The following SEMA3A variants were observed in gnomAD, a reference collection of about 807,000 sequenced individuals.
The protein encoded by SEMA3A is semaphorin-3A.
A neutral mutation model predicts 97.9 loss-of-function variants in SEMA3A; 29 were observed. The ratio of observed to expected loss-of-function variants is 0.30; its 90% CI spans 0.22 to 0.40. SEMA3A has a LOEUF of 0.40. Among genes scored for constraint, SEMA3A ranks in the 10% least tolerant of loss-of-function variants. The probability of loss-of-function intolerance (pLI) is 1.00; values close to 1 mark genes in which losing one functional copy is unlikely to be tolerated. For synonymous variants in SEMA3A, 321 were observed against 323.7 expected (o/e 0.99, Z 0.09); for missense variants, 763 against 951.3 (o/e 0.80, Z 2.60).
intron 3 of SEMA3A, among the ~76,000 whole-genome samples, chr7:84,285,609 C>A (rs1228286224): frequency 6.6e-6 from 1 of 151,926 alleles, no homozygotes; most frequent in Non-Finnish European, 1.5e-5. Context: ...TCATTTAATG[C>A]TTTGTTTGTT....
At chr7:84,399,816 T>C (rs1803850085) in intron 1 of SEMA3A, among the ~76,000 whole-genome samples, 1 of 152,062 alleles carries the variant, frequency 6.6e-6, no homozygotes, top group South Asian at 2.1e-4. Flanking sequence ...GCTACAGTAA[T>C]GTGCTGGTCT....
At chr7:84,098,883 G>C (rs1794858926) in intron 4 of SEMA3A, among the ~76,000 whole-genome samples, 1 of 151,916 alleles carries the variant, frequency 6.6e-6, no homozygotes, top group South Asian at 2.1e-4. Context: ...TTGAGAAACA[G>C]AGATAATGCT....
In SEMA3A at chr7:84,151,495, G is replaced by A. The variant is rs1796670231; in HGVS notation, c.113-16544C>T. Among the ~76,000 whole-genome samples, 4 of 151,844 alleles carry A rather than the reference G, an allele frequency of 2.6e-5. No individual in the cohort carries two copies. The South Asian group carries it at 6.2e-4, about 24-fold the overall frequency. ...AACTGGAAGAAAGGGTATCAGCGAT[G>A]GAAGATGAAATGAATGAAATGAAGC... On this transcript the variant is annotated intron_variant, in intron 1 of 16. Transcript: ENST00000265362.
intron 1 of SEMA3A, among the ~76,000 whole-genome samples, chr7:84,189,022 T>C (rs1046460672): frequency 3.3e-5 from 5 of 151,856 alleles, no homozygotes; most frequent in Admixed American, 1.3e-4. Flanking sequence ...CACAAATTGC[T>C]AGTGCCACCT....
intron 3 of SEMA3A, among the ~76,000 whole-genome samples, chr7:84,242,892 T>C (rs1375542529): frequency 6.6e-6 from 1 of 152,164 alleles, no homozygotes; most frequent in African/African-American, 2.4e-5. Flanking sequence ...ATTGAGATAA[T>C]TGTGTGGTTT....
intron 5 of SEMA3A, among the ~76,000 whole-genome samples, chr7:84,049,785 A>G (rs1163488921): frequency 3.3e-5 from 5 of 151,038 alleles, no homozygotes; most frequent in African/African-American, 1.2e-4. Context: ...ACATATGTAT[A>G]CATGTGCCAT....
chr7:84,252,449 G>GCA (rs1799630266), intron 3 of SEMA3A, among the ~76,000 whole-genome samples: 1 of 152,328 alleles, frequency 6.6e-6, no homozygotes, highest in African/African-American at 2.4e-5. Flanking sequence ...GTCTGCTATA[G>GCA]CACACACAGC....
intron 1 of SEMA3A, among the ~76,000 whole-genome samples, chr7:84,426,347 AAT>A (rs1162556805): frequency 1.3e-5 from 2 of 152,002 alleles, no homozygotes; most frequent in Non-Finnish European, 2.9e-5. Context: ...AAGAAATAAA[AAT>A]ATATCTGTAA....
intron 5 of SEMA3A, among the ~76,000 whole-genome samples, chr7:84,048,709 A>G (rs1792463725): frequency 6.6e-6 from 1 of 152,072 alleles, no homozygotes; most frequent in Non-Finnish European, 1.5e-5. Context: ...ATGAAAACTG[A>G]AAAATTTAAT....
In SEMA3A at chr7:84,129,523, G is replaced by C. The variant is rs146702574; in HGVS notation, c.271-338C>G. On this transcript the variant is annotated intron_variant, in intron 2 of 16. Coordinates refer to ENST00000265362, the MANE Select transcript of SEMA3A (RefSeq NM_006080.3). ...AGAGAACGTGAGAATTTAGTGAAGA[G>C]AAGTAGAAACTGGCATAGAATATGG... 1.1e-4 allele frequency among the ~76,000 whole-genome samples: 16 copies of C among 152,270 alleles called. No homozygotes were observed. The East Asian group carries it at 3.1e-3, about 29-fold the overall frequency.
chr7:84,069,002 T>A (rs1167157185), intron 4 of SEMA3A, among the ~76,000 whole-genome samples: 1 of 152,114 alleles, frequency 6.6e-6, no homozygotes, highest in Admixed American at 6.6e-5. Flanking sequence ...CTACCCAAAT[T>A]TCTGGGAATC....
intron 1 of SEMA3A, among the ~76,000 whole-genome samples, chr7:84,423,276 T>C (rs1291508858): frequency 1.3e-5 from 2 of 152,046 alleles, no homozygotes; most frequent in Admixed American, 6.6e-5. Context: ...AGGTTAATGT[T>C]TGTAAGTTTC....
At chr7:84,340,621 A>T (rs891146429) in intron 2 of SEMA3A, among the ~76,000 whole-genome samples, 32 of 151,814 alleles carry the variant, frequency 2.1e-4, no homozygotes, top group Admixed American at 1.8e-3. Context: ...TCTACTAAAA[A>T]TACAAAAAAT....
At chr7:84,310,548 T>C (rs987749916) in intron 2 of SEMA3A, among the ~76,000 whole-genome samples, 2 of 152,120 alleles carry the variant, frequency 1.3e-5, no homozygotes, top group East Asian at 3.9e-4. Context: ...CTTTATCTTA[T>C]CTATTTCTTT....
intron 1 of SEMA3A, among the ~76,000 whole-genome samples, chr7:84,400,992 T>C (rs746568522): frequency 1.9e-4 from 29 of 152,094 alleles, no homozygotes; most frequent in Non-Finnish European, 3.5e-4. Flanking sequence ...ACCACTTTTA[T>C]TAAATATAGT....
chr7:83,987,921 A>G (rs1442088918), intron 12 of SEMA3A, among the ~76,000 whole-genome samples: 1 of 152,196 alleles, frequency 6.6e-6, no homozygotes, highest in Admixed American at 6.5e-5. Flanking sequence ...CTTTTATTCT[A>G]GAGAGGTGGC....
At chr7:83,973,176 C>T (rs944876883) in intron 15 of SEMA3A, among the ~76,000 whole-genome samples, 2 of 152,106 alleles carry the variant, frequency 1.3e-5, no homozygotes, top group Admixed American at 6.5e-5. Context: ...CGTGTGAATT[C>T]GGAAAGTAAA....
intron 1 of SEMA3A, among the ~76,000 whole-genome samples, chr7:84,462,206 T>C (rs1805863922): frequency 6.6e-6 from 1 of 152,158 alleles, no homozygotes; most frequent in African/African-American, 2.4e-5. Context: ...CATAAAAATA[T>C]ACCTTATTAC....
At chr7:84,248,815 A>C (rs1799533613) in intron 3 of SEMA3A, among the ~76,000 whole-genome samples, 1 of 151,862 alleles carries the variant, frequency 6.6e-6, no homozygotes, top group African/African-American at 2.4e-5. Context: ...GAGAGACTAC[A>C]AAAACGTTCC....
Sources: gnomAD v4.1 joint callset for allele counts (sites outside exome capture counted in the v4.1 genomes callset) on GRCh38, gnomAD v4.1.1 for gene constraint, MANE v1.5 for transcripts, NCBI Gene and HGNC (gene_info 2026-07-23, HGNC 2026-07-21) for gene names.